The following RABL3 variants were observed in gnomAD, a reference collection of about 807,000 sequenced individuals.
RABL3 encodes the protein rab-like protein 3.
A neutral mutation model predicts 31.8 loss-of-function variants in RABL3; 31 were observed. The ratio of observed to expected loss-of-function variants is 0.97; its 90% CI spans 0.73 to 1.31. The LOEUF (loss-of-function observed/expected upper bound fraction) is 1.31, where lower values mean the gene tolerates loss of function less well. Among genes scored for constraint, RABL3 ranks in the 40% most tolerant of loss-of-function variants. The probability of loss-of-function intolerance (pLI) is 0.00; values close to 1 mark genes in which losing one functional copy is unlikely to be tolerated. For missense variants in RABL3, 263 were observed against 279.6 expected, an observed-to-expected ratio of 0.94 and a Z score of 0.42; for synonymous variants, 97 against 99.9, an observed-to-expected ratio of 0.97 and a Z score of 0.18.
chr3:120,698,418 C>A lies in RABL3; in HGVS notation c.534+5G>T. On this transcript the variant is annotated splice_donor_5th_base_variant and intron_variant, in intron 5 of 7. Transcript: ENST00000273375. ...ATACAAGCATGCATTAGTGAAAATACATACCAAATTAATTTCTTCTGGATT... is the reference window on the plus strand; with the variant it reads ...ATACAAGCATGCATTAGTGAAAATAAATACCAAATTAATTTCTTCTGGATT... The A allele has an allele frequency of 1.9e-6, 3 of 1,611,346 alleles. No homozygotes were observed. The highest frequency in any genetic ancestry group is 2.2e-5 in the South Asian group (2 of 90,460).
At chr3:120,723,268 T>G (rs1708771268) in intron 2 of RABL3, among the ~76,000 whole-genome samples, 1 of 152,174 alleles carries the variant, frequency 6.6e-6, no homozygotes, top group African/African-American at 2.4e-5. Flanking sequence ...AACCTCTGAA[T>G]AGACCAATAA....
Position 120,698,563 on chromosome 3 carries a change from G to A in RABL3, c.394C>T (p.Gln132Ter). The change falls in exon 5 of 8, where the codon CAA (glutamine) becomes TAA (stop). Residue 132 changes from glutamine to a stop codon, truncating the protein, a stop_gained. Coordinates refer to ENST00000273375, the MANE Select transcript of RABL3 (RefSeq NM_173825.5). LOFTEE classifies it high-confidence loss of function. ...ATTTGGTTATCAGCAAACTGTTCTT[G>A]ATCATAATCCCTGTGATAAATAATA... ...GVLVTNGDYD[Q>*]EQFADNQIPL... 6.2e-7 allele frequency: 1 copy of A among 1,609,322 alleles called. No individual in the cohort carries two copies. Among genetic ancestry groups the A allele is most frequent in the Non-Finnish European group, 8.5e-7 (1 of 1,176,936 alleles).
intron 4 of RABL3, among the ~76,000 whole-genome samples, chr3:120,705,120 T>C (rs1428173596): frequency 6.6e-6 from 1 of 152,192 alleles, no homozygotes; most frequent in Non-Finnish European, 1.5e-5. Flanking sequence ...ACAGGATTTG[T>C]ATGCTGAAAA....
intron 2 of RABL3, among the ~76,000 whole-genome samples, chr3:120,712,395 A>G (rs1372069243): frequency 6.6e-6 from 1 of 152,190 alleles, no homozygotes; most frequent in African/African-American, 2.4e-5. Context: ...AGTTAGCAGT[A>G]AAAAAGTTAA....
At position 120,685,397 on chromosome 3, in the gene RABL3, A is replaced by G. The variant is rs1435675612; in HGVS notation, c.*4426T>C. Among the ~76,000 whole-genome samples the G allele has an allele frequency of 6.6e-6, 1 of 152,160 alleles. No individual in the cohort carries two copies. Among genetic ancestry groups the G allele is most frequent in the African/African-American group, 2.4e-5 (1 of 41,420 alleles). ...TTCCATTCTTTGTCATTAGTTATTG[A>G]TGACCTCGGTAAAGCTTAGTGATTA... On this transcript the variant is annotated 3_prime_UTR_variant, in exon 8 of 8. Coordinates refer to ENST00000273375, the MANE Select transcript of RABL3 (RefSeq NM_173825.5).
In RABL3 at chr3:120,725,662, C is replaced by T. The variant is rs936127686; in HGVS notation, c.138+5034G>A. Among the ~76,000 whole-genome samples the T allele has an allele frequency of 3.3e-5, 5 of 152,134 alleles. No individual in the cohort carries two copies. The East Asian group carries it at 7.7e-4, about 23-fold the overall frequency. ...GTCCTTTGTAGGGACATGGATGAAG[C>T]TGGAAACCATCATTCTCAGCAAACT... On this transcript the variant is annotated intron_variant, in intron 2 of 7. Coordinates refer to ENST00000273375, the MANE Select transcript of RABL3 (RefSeq NM_173825.5).
intron 2 of RABL3, among the ~76,000 whole-genome samples, chr3:120,721,519 G>T (rs566725062): frequency 2.0e-5 from 3 of 152,158 alleles, no homozygotes; most frequent in African/African-American, 4.8e-5. Flanking sequence ...AAAGGCAGGG[G>T]TTGCAATCCT....
intron 3 of RABL3, 41 bp from the exon 4 acceptor site, chr3:120,706,155 T>C: frequency 1.6e-6 from 2 of 1,279,088 alleles, no homozygotes; most frequent in Non-Finnish European, 2.3e-6. Flanking sequence ...CCTTAACAAT[T>C]CCTCTTCATT....
chr3:120,742,371 G>A lies in RABL3; in HGVS notation c.46+91C>T, dbSNP rs187666041. On this transcript the variant is annotated intron_variant, in intron 1 of 7. Transcript: ENST00000273375. The stretch of plus-strand genomic sequence containing the variant: ...GGAGGGACTTCAGCCACGGGCCGAG[G>A]AGCCAGGAAGTTGAGGGAAGGAAGC... The A allele has an allele frequency of 1.1e-3, 1,368 of 1,224,884 alleles. 4 individuals are homozygous for A. Among genetic ancestry groups the A allele is most frequent in the Non-Finnish European group, 1.5e-3 (1,269 of 829,628 alleles). 75.9% of individuals were successfully genotyped at this position (1,224,884 alleles called of 1,614,324 possible).
rs146987712 is a variant in RABL3, at chr3:120,742,480, G to C, written c.28C>G (p.Leu10Val). ...CGCTCACCTGAGTCTCCCAACACCA[G>C]TACCTTCACCCGATCCAGGGACGCC... is the stretch of plus-strand genomic sequence containing the variant. MASLDRVKV[L>V]VLGDSGVGKS... The change falls in exon 1 of 8, where the codon CTG becomes GTG. Residue 10 changes from leucine to valine, a missense_variant. Transcript: ENST00000273375. 5.6e-6 allele frequency: 9 copies of C among 1,614,174 alleles called. No individual in the cohort carries two copies. The East Asian group carries it at 1.3e-4, about 24-fold the overall frequency.
rs1283533720 is a variant in RABL3 at position 120,685,450 on chromosome 3, A to C, written c.*4373T>G. ...CAGCTGAGAAAACACAGTACTAGAG[A>C]GGGGGCTGTGTGTAAGATGGCAAGG... On this transcript the variant is annotated 3_prime_UTR_variant, in exon 8 of 8. Transcript: ENST00000273375. Among the ~76,000 whole-genome samples the C allele has an allele frequency of 6.6e-6, 1 of 152,194 alleles. No individual in the cohort carries two copies. The highest frequency in any genetic ancestry group is 2.4e-5 in the African/African-American group (1 of 41,454).
chr3:120,695,631 T>G (rs1481523731), intron 5 of RABL3, among the ~76,000 whole-genome samples: 1 of 152,194 alleles, frequency 6.6e-6, no homozygotes, highest in African/African-American at 2.4e-5. Context: ...ATATATGGAT[T>G]ATGTAGACTG....
At chr3:120,690,673 T>C (rs1404118631) in intron 6 of RABL3, among the ~76,000 whole-genome samples, 186 bp from the exon 7 acceptor site, 1 of 152,104 alleles carries the variant, frequency 6.6e-6, no homozygotes, top group African/African-American at 2.4e-5. Flanking sequence ...AGTATTTCCA[T>C]AAAAGCCTGC....
chr3:120,730,835 T>G, intron 1 of RABL3, 48 bp from the exon 2 acceptor site: 2 of 1,300,832 alleles, frequency 1.5e-6, no homozygotes, highest in East Asian at 4.6e-5. Flanking sequence ...AAGGCTGAAA[T>G]CTGTTTTGGA....
intron 1 of RABL3, 147 bp downstream of exon 1, chr3:120,742,315 G>A: frequency 1.4e-6 from 1 of 731,166 alleles, no homozygotes; most frequent in Non-Finnish European, 2.3e-6. Flanking sequence ...ACGGAGCAAA[G>A]TCCCCTGGGA....
In RABL3 at chr3:120,736,264, G is replaced by C. The variant is rs570033406; in HGVS notation, c.47-5477C>G. On this transcript the variant is annotated intron_variant, in intron 1 of 7. Transcript: ENST00000273375. Reference sequence around the variant, plus strand: ...GCATATATGTTTAGGATAGTTAGCTGTTCTTGTTGAATTGATCCCTTTACC... The same window carrying C: ...GCATATATGTTTAGGATAGTTAGCTCTTCTTGTTGAATTGATCCCTTTACC... Among the ~76,000 whole-genome samples, 106 of 152,224 alleles carry C rather than the reference G, an allele frequency of 7.0e-4. 1 individual carries two copies. Among genetic ancestry groups the C allele is most frequent in the African/African-American group, 2.4e-3 (100 of 41,524 alleles).
At chr3:120,733,473 G>A (rs1708913777) in intron 1 of RABL3, among the ~76,000 whole-genome samples, 3 of 152,192 alleles carry the variant, frequency 2.0e-5, no homozygotes, top group Middle Eastern at 3.4e-3. Flanking sequence ...TTTGTCAGAT[G>A]AGTAGATTGC....
At chr3:120,725,690 C>T (rs549266355) in intron 2 of RABL3, among the ~76,000 whole-genome samples, 36 of 152,168 alleles carry the variant, frequency 2.4e-4, no homozygotes, top group Non-Finnish European at 4.3e-4. Flanking sequence ...AGCAAACTAT[C>T]GCAAGGACAA....
Position 120,687,023 on chromosome 3 carries a change from T to C in RABL3, c.*2800A>G, listed in dbSNP as rs878880852. 1 of 152,194 alleles carries C rather than the reference T, an allele frequency of 6.6e-6. No homozygotes were observed. Among genetic ancestry groups the C allele is most frequent in the South Asian group, 2.1e-4 (1 of 4,832 alleles). 9.4% of individuals were successfully genotyped at this position (152,194 alleles called of 1,614,324 possible). On this transcript the variant is annotated 3_prime_UTR_variant, in exon 8 of 8. Coordinates refer to ENST00000273375, the MANE Select transcript of RABL3 (RefSeq NM_173825.5). ...GGGAAGGTATGAGAAACCTTGCTTC[T>C]GCAGTTTTCTCAAATAACAGGGTGC...
Sources: gnomAD v4.1 joint callset for allele counts (sites outside exome capture counted in the v4.1 genomes callset) on GRCh38, gnomAD v4.1.1 for gene constraint, MANE v1.5 for transcripts, NCBI Gene and HGNC (gene_info 2026-07-23, HGNC 2026-07-21) for gene names.